Variants in OR7E24 observed in about 807,000 individuals in gnomAD.
The protein encoded by OR7E24 is olfactory receptor family 7 subfamily E member 24.
For synonymous variants in OR7E24, 130 were observed against 157.5 expected, an observed-to-expected ratio of 0.83 and a Z score of 1.31; for missense variants, 385 against 410.3, an observed-to-expected ratio of 0.94 and a Z score of 0.53.
chr19:9,214,580 C>T, the OR7E24 span: 4 of 1,614,022 alleles, frequency 2.5e-6, no homozygotes, highest in Non-Finnish European at 3.4e-6. Context: ...TGCTCCGTGC[C>T]TGGATGCTCA....
chr19:9,212,576 T>C, the OR7E24 span: 2 of 152,110 alleles, frequency 1.3e-5, no homozygotes, highest in Admixed American at 6.6e-5. Flanking sequence ...CCTAAGGGGT[T>C]TGTGCTCCCA....
chr19:9,237,633 A>G, the OR7E24 span, among the ~76,000 whole-genome samples: 1 of 152,036 alleles, frequency 6.6e-6, no homozygotes, highest in Non-Finnish European at 1.5e-5. Context: ...TTTATTTGTT[A>G]ATGTTAATTT....
At chr19:9,212,734 CAT>C in the OR7E24 span, 1 of 152,016 alleles carries the variant, frequency 6.6e-6, no homozygotes, top group African/African-American at 2.4e-5. Flanking sequence ...TTGAAAATCA[CAT>C]TATCATTCTT....
chr19:9,212,473 AATG>A, the OR7E24 span: 1 of 152,184 alleles, frequency 6.6e-6, no homozygotes, highest in Non-Finnish European at 1.5e-5. Context: ...ATACCATCAA[AATG>A]ATAATATCTT....
chr19:9,239,707 C>CTT, the OR7E24 span, among the ~76,000 whole-genome samples: 608 of 122,986 alleles, frequency 4.9e-3, 14 homozygotes, highest in African/African-American at 0.016. Context: ...TTTTCTTTTT[C>CTT]TTTTTTTTTT....
chr19:9,229,759 T>C, the OR7E24 span, among the ~76,000 whole-genome samples: 1 of 152,210 alleles, frequency 6.6e-6, no homozygotes, highest in African/African-American at 2.4e-5. Context: ...GAACAATTTA[T>C]TTAATGAGGC....
At chr19:9,248,109 T>C (rs999182771), upstream of OR7E24, among the ~76,000 whole-genome samples, 9 of 152,172 alleles carry the variant, frequency 5.9e-5, no homozygotes, top group African/African-American at 2.2e-4. Flanking sequence ...GAACTTCCCA[T>C]AGACATCTCA....
the OR7E24 span, among the ~76,000 whole-genome samples, chr19:9,217,320 T>C: frequency 6.6e-6 from 1 of 152,258 alleles, no homozygotes; most frequent in African/African-American, 2.4e-5. Context: ...ATAAATCAAA[T>C]CATCCTAAAA....
chr19:9,240,977 C>A, the OR7E24 span, among the ~76,000 whole-genome samples: 1 of 152,072 alleles, frequency 6.6e-6, no homozygotes, highest in East Asian at 1.9e-4. Context: ...GCCACCACGC[C>A]TGGCTAATTT....
At chr19:9,221,252 A>G in the OR7E24 span, among the ~76,000 whole-genome samples, 2 of 143,500 alleles carry the variant, frequency 1.4e-5, no homozygotes, top group Non-Finnish European at 3.0e-5. Flanking sequence ...AGCCTGGGTG[A>G]CAGAGCGAGA....
At chr19:9,211,742 T>C in the OR7E24 span, 1 of 137,786 alleles carries the variant, frequency 7.3e-6, no homozygotes, top group Non-Finnish European at 1.5e-5. Flanking sequence ...GCCACTGTGC[T>C]CTAGCCTGGG....
At chr19:9,231,530 A>G in the OR7E24 span, among the ~76,000 whole-genome samples, 3 of 152,162 alleles carry the variant, frequency 2.0e-5, no homozygotes, top group African/African-American at 7.2e-5. Context: ...CAGTGAGCCG[A>G]GATTGCGCCA....
the OR7E24 span, among the ~76,000 whole-genome samples, chr19:9,233,044 T>G: frequency 2.0e-5 from 3 of 151,938 alleles, no homozygotes; most frequent in African/African-American, 7.3e-5. Flanking sequence ...CAAGTCCCAA[T>G]TACTAAGCTC....
chr19:9,230,924 T>C, the OR7E24 span, among the ~76,000 whole-genome samples: 3 of 152,020 alleles, frequency 2.0e-5, no homozygotes, highest in Non-Finnish European at 4.4e-5. Flanking sequence ...TATTGATTGA[T>C]TGATTGAGAT....
At chr19:9,235,552 A>T in the OR7E24 span, 2 of 1,555,784 alleles carry the variant, frequency 1.3e-6, no homozygotes, top group East Asian at 4.5e-5. Context: ...GGTCATCATA[A>T]ACCCCCATCT....
the OR7E24 span, chr19:9,206,863 G>A: frequency 6.6e-6 from 1 of 152,156 alleles, no homozygotes; most frequent in Non-Finnish European, 1.5e-5. Flanking sequence ...CCTCAACCTT[G>A]GCTTTTATTG....
chr19:9,241,522 TTGGGG>T, the OR7E24 span, among the ~76,000 whole-genome samples: 1 of 152,034 alleles, frequency 6.6e-6, no homozygotes, highest in Non-Finnish European at 1.5e-5. Context: ...TCCCAGCACT[TTGGGG>T]GCTGAGGTGG....
chr19:9,207,635 T>C, the OR7E24 span: 3 of 152,236 alleles, frequency 2.0e-5, no homozygotes, highest in Non-Finnish European at 4.4e-5. Context: ...TGGTAATTGA[T>C]TGCATATTTC....
upstream of OR7E24, among the ~76,000 whole-genome samples, chr19:9,250,775 T>C (rs142931222): frequency 6.6e-6 from 1 of 152,230 alleles, no homozygotes; most frequent in Non-Finnish European, 1.5e-5. Flanking sequence ...TATTTTTTCC[T>C]GATAAATTAG....
Sources: gnomAD v4.1 joint callset for allele counts (sites outside exome capture counted in the v4.1 genomes callset) on GRCh38, gnomAD v4.1.1 for gene constraint, MANE v1.5 for transcripts, NCBI Gene and HGNC (gene_info 2026-07-23, HGNC 2026-07-21) for gene names.